Variants in L3MBTL4 observed in about 807,000 individuals in gnomAD.
L3MBTL4 encodes L3MBTL histone methyl-lysine binding protein 4.
In L3MBTL4, 70 loss-of-function variants were observed where a neutral mutation model predicts 84.5. The observed-to-expected ratio is 0.83, with a 90% CI of 0.68 to 1.01. L3MBTL4 has a LOEUF of 1.01. L3MBTL4 is among the 50% of genes least tolerant of loss of function. The pLI, the probability that L3MBTL4 is intolerant of heterozygous loss-of-function variation, is 0.00. For missense variants in L3MBTL4, 715 were observed against 754.8 expected (o/e 0.95, Z 0.62); for synonymous variants, 274 against 259.8 (o/e 1.05, Z -0.52).
intron 16 of L3MBTL4, among the ~76,000 whole-genome samples, chr18:6,038,224 G>C (rs1269422568): frequency 1.4e-5 from 2 of 148,082 alleles, no homozygotes; most frequent in East Asian, 2.0e-4. Flanking sequence ...AAAAATTCTA[G>C]AGGATACTAG....
chr18:6,041,946 C>T (rs2056421792), intron 16 of L3MBTL4, among the ~76,000 whole-genome samples: 2 of 151,966 alleles, frequency 1.3e-5, no homozygotes, highest in African/African-American at 4.8e-5. Context: ...TGGTCTTGAA[C>T]TCTTGGCTTC....
At chr18:6,260,542 G>T (rs2048353767) in intron 5 of L3MBTL4, 1 of 152,080 alleles carries the variant, frequency 6.6e-6, no homozygotes, top group African/African-American at 2.4e-5. Context: ...CTCTGTGTGT[G>T]CCTATTGTAA....
At chr18:6,239,689 C>A (rs1374249435) in intron 9 of L3MBTL4, 29 bp downstream of exon 9, 2 of 1,605,184 alleles carry the variant, frequency 1.2e-6, no homozygotes, top group Admixed American at 3.3e-5. Flanking sequence ...TATGAATACA[C>A]AAAAATAAAA....
chr18:6,239,198 G>A (rs929995261), intron 9 of L3MBTL4, among the ~76,000 whole-genome samples: 60 of 151,524 alleles, frequency 4.0e-4, no homozygotes, highest in African/African-American at 1.4e-3. Context: ...AAAATTAGCC[G>A]GGCGTAGTGG....
intron 12 of L3MBTL4, among the ~76,000 whole-genome samples, chr18:6,174,985 A>G (rs2044161358): frequency 6.6e-6 from 1 of 152,144 alleles, no homozygotes; most frequent in Non-Finnish European, 1.5e-5. Flanking sequence ...AGAATGGAGC[A>G]GGAATAGTGG....
chr18:6,309,387 T>A (rs1169551848), intron 3 of L3MBTL4, among the ~76,000 whole-genome samples: 1 of 152,234 alleles, frequency 6.6e-6, no homozygotes, highest in Non-Finnish European at 1.5e-5. Context: ...TTCAATTATG[T>A]GTGAACATGC....
At chr18:6,396,301 C>T (rs1424551190) in intron 1 of L3MBTL4, 2 of 152,268 alleles carry the variant, frequency 1.3e-5, no homozygotes, top group African/African-American at 4.8e-5. Context: ...ACTAGTCTGA[C>T]TTCTTGACTA....
Position 6,244,592 on chromosome 18 carries a change from C to T in L3MBTL4, c.220-4G>A. On this transcript the variant is annotated splice_region_variant and splice_polypyrimidine_tract_variant and intron_variant, in intron 5 of 18. Transcript: ENST00000317931. Reference sequence around the variant, plus strand: ...CATGCTCTGGAAAGGACTGATCCTACAAAATTTCACGACATAACATTAGCC... The same window carrying T: ...CATGCTCTGGAAAGGACTGATCCTATAAAATTTCACGACATAACATTAGCC... The T allele has an allele frequency of 1.9e-6, 3 of 1,592,444 alleles. No homozygotes were observed. The highest frequency in any genetic ancestry group is 2.2e-5 in the East Asian group (1 of 44,742).
chr18:5,995,111 C>T (rs772196712), intron 16 of L3MBTL4, among the ~76,000 whole-genome samples: 9 of 152,382 alleles, frequency 5.9e-5, no homozygotes, highest in Non-Finnish European at 1.2e-4. Context: ...GCTAGAGAAA[C>T]ATGTGCGTCC....
intron 5 of L3MBTL4, among the ~76,000 whole-genome samples, chr18:6,255,860 G>T (rs1180136117): frequency 6.6e-6 from 1 of 151,544 alleles, no homozygotes; most frequent in Admixed American, 6.6e-5. Context: ...GCTATAATTT[G>T]GTTCCAAGCA....
intron 16 of L3MBTL4, among the ~76,000 whole-genome samples, chr18:5,986,795 C>T (rs1330656054): frequency 6.6e-6 from 1 of 152,236 alleles, no homozygotes; most frequent in Admixed American, 6.5e-5. Context: ...TCCAACTACA[C>T]TGTGCCTTTG....
chr18:6,244,819 T>C (rs1042374323), intron 5 of L3MBTL4, among the ~76,000 whole-genome samples: 17 of 152,236 alleles, frequency 1.1e-4, no homozygotes, highest in South Asian at 2.1e-4. Flanking sequence ...AGGTGATGGA[T>C]GTGTGAGTAT....
chr18:6,108,832 A>G (rs1371418066), intron 14 of L3MBTL4, among the ~76,000 whole-genome samples: 1 of 152,236 alleles, frequency 6.6e-6, no homozygotes, highest in Non-Finnish European at 1.5e-5. Context: ...CAAATATAGT[A>G]TAACAACTAT....
In L3MBTL4 at chr18:6,213,127, CATA is replaced by C; in HGVS notation, c.981+19_981+21del. The stretch of plus-strand genomic sequence containing the variant: ...TGTAGGAAAAATATTGATATAATAA[CATA>C]ATAATTTAAAATATGTACCTTTACT... On this transcript the variant is annotated intron_variant, in intron 12 of 18. Transcript: ENST00000317931. The C allele has an allele frequency of 3.0e-6, 4 of 1,318,352 alleles. No individual in the cohort carries two copies. Among genetic ancestry groups the C allele is most frequent in the Non-Finnish European group, 4.2e-6 (4 of 947,794 alleles). 81.7% of individuals were successfully genotyped at this position (1,318,352 alleles called of 1,614,324 possible).
chr18:6,070,032 C>T (rs929538342), intron 16 of L3MBTL4, among the ~76,000 whole-genome samples: 2 of 151,796 alleles, frequency 1.3e-5, no homozygotes, highest in African/African-American at 2.4e-5. Flanking sequence ...GTACTAAAAA[C>T]GGAGGGGAAA....
At chr18:6,271,668 G>T (rs1270299341) in intron 4 of L3MBTL4, among the ~76,000 whole-genome samples, 1 of 152,232 alleles carries the variant, frequency 6.6e-6, no homozygotes, top group Non-Finnish European at 1.5e-5. Flanking sequence ...AACAGAGGCA[G>T]CCATGGGGAT....
intron 1 of L3MBTL4, among the ~76,000 whole-genome samples, chr18:6,344,405 C>G (rs2052768800): frequency 6.6e-6 from 1 of 152,074 alleles, no homozygotes; most frequent in Admixed American, 6.6e-5. Context: ...TTAAAACTTC[C>G]CAATAAAGAA....
At chr18:6,245,331 C>T (rs1006972085) in intron 5 of L3MBTL4, among the ~76,000 whole-genome samples, 3 of 152,220 alleles carry the variant, frequency 2.0e-5, no homozygotes, top group Admixed American at 6.5e-5. Flanking sequence ...ATAGTACCTC[C>T]ATGAAGTTGT....
At chr18:5,958,070 G>GA (rs1321103557) in intron 18 of L3MBTL4, among the ~76,000 whole-genome samples, 2 of 35,754 alleles carry the variant, frequency 5.6e-5, no homozygotes, top group Non-Finnish European at 8.2e-5. Flanking sequence ...AGGAGAAGAA[G>GA]AAGAAGAAGA....
Sources: allele counts gnomAD v4.1 joint callset (sites outside exome capture counted in the v4.1 genomes callset), GRCh38; gene constraint gnomAD v4.1.1; transcripts MANE v1.5; gene names NCBI Gene and HGNC (gene_info 2026-07-23, HGNC 2026-07-21).